The following BACE2 variants were observed in gnomAD, a reference collection of about 807,000 sequenced individuals.
BACE2 encodes beta-secretase 2.
In BACE2, 17 loss-of-function variants were observed where a neutral mutation model predicts 46.2. The observed-to-expected ratio is 0.37, with a 90% CI of 0.25 to 0.55. BACE2 has a LOEUF of 0.55. Among genes scored for constraint, BACE2 ranks in the 20% least tolerant of loss-of-function variants. The probability of loss-of-function intolerance (pLI) is 0.82; values close to 1 mark genes in which losing one functional copy is unlikely to be tolerated. For missense variants in BACE2, 595 were observed against 698.1 expected, an observed-to-expected ratio of 0.85 and a Z score of 1.66; for synonymous variants, 277 against 295.9, an observed-to-expected ratio of 0.94 and a Z score of 0.66.
chr21:41,265,912 G>T (rs1402815951), intron 8 of BACE2, among the ~76,000 whole-genome samples: 1 of 152,106 alleles, frequency 6.6e-6, no homozygotes, highest in African/African-American at 2.4e-5. Context: ...TTTCATGTTT[G>T]ATTTAACTTG....
chr21:41,196,097 C>G (rs1985721603), intron 1 of BACE2, among the ~76,000 whole-genome samples: 1 of 151,822 alleles, frequency 6.6e-6, no homozygotes. Context: ...CCAGCCTGGC[C>G]AACATGGTGA....
At chr21:41,207,406 G>C (rs1986162129) in intron 1 of BACE2, among the ~76,000 whole-genome samples, 1 of 152,142 alleles carries the variant, frequency 6.6e-6, no homozygotes, top group African/African-American at 2.4e-5. Context: ...TCTTGCATGG[G>C]AAAAGGATCA....
At chr21:41,191,414 C>T (rs1052888538) in intron 1 of BACE2, among the ~76,000 whole-genome samples, 6 of 152,120 alleles carry the variant, frequency 3.9e-5, no homozygotes, top group Admixed American at 1.3e-4. Flanking sequence ...TAATGTATTC[C>T]GTGAACCCAC....
intron 8 of BACE2, among the ~76,000 whole-genome samples, chr21:41,270,535 G>A (rs991575401): frequency 1.3e-5 from 2 of 152,000 alleles, no homozygotes; most frequent in African/African-American, 2.4e-5. Flanking sequence ...TCCTACCACC[G>A]TCGCCTAAAG....
chr21:41,267,847 T>C (rs1228974178), intron 8 of BACE2, among the ~76,000 whole-genome samples: 1 of 152,190 alleles, frequency 6.6e-6, no homozygotes, highest in Non-Finnish European at 1.5e-5. Flanking sequence ...CAGAATGTTT[T>C]TCTAAGTAAA....
intron 1 of BACE2, among the ~76,000 whole-genome samples, chr21:41,169,449 GAAAAAAAA>G (rs34570194): frequency 7.7e-6 from 1 of 129,840 alleles, no homozygotes; most frequent in Non-Finnish European, 1.6e-5. Context: ...ACAGTGATCT[GAAAAAAAA>G]AAAAAAAAAA....
At chr21:41,226,411 CTTCAA>C in intron 2 of BACE2, 57 bp downstream of exon 2, 1 of 1,454,066 alleles carries the variant, frequency 6.9e-7, no homozygotes. Context: ...GATCAACATG[CTTCAA>C]AATGCACCAG....
intron 1 of BACE2, among the ~76,000 whole-genome samples, chr21:41,224,496 A>T (rs1190110240): frequency 1.3e-5 from 2 of 152,014 alleles, no homozygotes; most frequent in African/African-American, 4.8e-5. Context: ...TCCGATTTTG[A>T]TTTCTTTAGT....
intron 2 of BACE2, among the ~76,000 whole-genome samples, chr21:41,227,822 CTG>C (rs1601288089): frequency 1.3e-5 from 2 of 150,252 alleles, no homozygotes; most frequent in South Asian, 2.1e-4. Context: ...GTGTTTCTCT[CTG>C]TGTGTGCAGC....
intron 8 of BACE2, among the ~76,000 whole-genome samples, chr21:41,273,567 T>C (rs1052722129): frequency 2.6e-5 from 4 of 152,246 alleles, no homozygotes; most frequent in Admixed American, 1.3e-4. Flanking sequence ...CTAATGGTTA[T>C]CTCCTTTGTT....
intron 1 of BACE2, among the ~76,000 whole-genome samples, chr21:41,208,108 A>T (rs1568867976): frequency 6.6e-6 from 1 of 152,222 alleles, no homozygotes; most frequent in Non-Finnish European, 1.5e-5. Context: ...GGAGGAACAG[A>T]GCCTTAGGAT....
At chr21:41,194,744 A>G (rs751854088) in intron 1 of BACE2, among the ~76,000 whole-genome samples, 3 of 152,160 alleles carry the variant, frequency 2.0e-5, no homozygotes, top group Non-Finnish European at 2.9e-5. Flanking sequence ...TTTTCTGTTT[A>G]CTTGTAGCCA....
In BACE2 at chr21:41,237,507, C is replaced by T; in HGVS notation, c.402-6C>T. ...AATACAATATGCTTTTCTTTTCTTT[C>T]TCCAGGTCTAGCACATACCGCTCCA... On this transcript the variant is annotated splice_region_variant and splice_polypyrimidine_tract_variant and intron_variant, in intron 2 of 8. Coordinates refer to ENST00000330333, the MANE Select transcript of BACE2 (RefSeq NM_012105.5). The T allele has an allele frequency of 1.3e-6, 2 of 1,587,808 alleles. No individual in the cohort carries two copies. Among genetic ancestry groups the T allele is most frequent in the Non-Finnish European group, 1.7e-6 (2 of 1,165,906 alleles).
At chr21:41,228,877 G>A (rs1019351730) in intron 2 of BACE2, among the ~76,000 whole-genome samples, 5 of 152,204 alleles carry the variant, frequency 3.3e-5, no homozygotes, top group African/African-American at 4.8e-5. Flanking sequence ...TTCCATAGTA[G>A]CGAATATGCA....
intron 6 of BACE2, among the ~76,000 whole-genome samples, chr21:41,248,811 G>C (rs975823172): frequency 2.6e-5 from 4 of 152,200 alleles, no homozygotes; most frequent in African/African-American, 4.8e-5. Context: ...GATGCATACA[G>C]GGGCACCCGC....
Position 41,226,337 on chromosome 21 carries a change from G to A in BACE2, c.384G>A (p.Thr128=), listed in dbSNP as rs765406024. ...GAACCCCGCACTCCTACATAGACAC[G>A]TACTTTGACACAGAGAGGTAAGCGC... ...VAGTPHSYID[T]YFDTERSSTY... is the part of the protein sequence containing the mutation. Residue 128 remains threonine (T), a synonymous_variant, in exon 2 of 9, where the codon ACG becomes ACA. Coordinates refer to ENST00000330333, the MANE Select transcript of BACE2 (RefSeq NM_012105.5). The A allele has an allele frequency of 4.3e-6, 7 of 1,613,824 alleles. No homozygotes were observed. The highest frequency in any genetic ancestry group is 4.5e-5 in the East Asian group (2 of 44,900).
intron 7 of BACE2, 120 bp from the exon 8 acceptor site, chr21:41,257,038 C>T (rs1297960603): frequency 5.6e-5 from 60 of 1,067,216 alleles, no homozygotes; most frequent in Non-Finnish European, 7.6e-5. Context: ...TCTTTCTTCT[C>T]CCGTGACTCC....
In BACE2 at chr21:41,236,517, T is replaced by C. The variant is rs1427325562; in HGVS notation, c.402-996T>C. 3 of 152,232 alleles carry C rather than the reference T, an allele frequency of 2.0e-5. No homozygotes were observed. The East Asian group carries it at 5.8e-4, about 29-fold the overall frequency. The allele number at this position is 152,232 out of a possible 1,614,324, so 9.4% of individuals were successfully genotyped here. ...TCTTACCTCCAGGGCCACGTGAGTG[T>C]CAGGCTCTCGGTCATGTCACAGTGA... On this transcript the variant is annotated intron_variant, in intron 2 of 8. Transcript: ENST00000330333.
chr21:41,239,534 C>A (rs1390078019), intron 3 of BACE2, among the ~76,000 whole-genome samples: 2 of 152,178 alleles, frequency 1.3e-5, no homozygotes, highest in Non-Finnish European at 2.9e-5. Flanking sequence ...CATGCCACAA[C>A]GCCTGGCTAA....
Sources: allele counts gnomAD v4.1 joint callset (sites outside exome capture counted in the v4.1 genomes callset), GRCh38; gene constraint gnomAD v4.1.1; transcripts MANE v1.5; gene names NCBI Gene and HGNC (gene_info 2026-07-23, HGNC 2026-07-21).